The following NLRC4 variants were observed in gnomAD, a reference collection of about 807,000 sequenced individuals.
NLRC4 encodes NLR family CARD domain containing 4, also known as NLR family CARD domain-containing protein 4.
Under a neutral mutation model 79.9 loss-of-function variants are expected in NLRC4, and 63 were observed. The observed-to-expected ratio is 0.79, with a 90% CI of 0.64 to 0.97. The LOEUF (loss-of-function observed/expected upper bound fraction) is 0.97. NLRC4 is among the 50% of genes least tolerant of loss of function. NLRC4 has a pLI of 0.00. For missense variants in NLRC4, 1,074 were observed against 1,215.2 expected (o/e 0.88, Z 1.73); for synonymous variants, 461 against 456.5 (o/e 1.01, Z -0.12).
rs139211001 is a variant in NLRC4 at position 32,250,421 on chromosome 2, C to T, written c.1443G>A (p.Ser481=). 88 of 1,614,052 alleles carry T rather than the reference C, an allele frequency of 5.5e-5. No homozygotes were observed. The highest frequency in any genetic ancestry group is 6.7e-5 in the East Asian group (3 of 44,896). The change falls in exon 4 of 9, where the codon TCG becomes TCA. Residue 481 remains serine, a synonymous_variant. Coordinates refer to ENST00000402280, the MANE Select transcript of NLRC4 (RefSeq NM_001199138.2). This position sits in a 1 kb window ranked among gnomAD's most constrained non-coding sequence, Gnocchi z 4.9. ...GGCTGCTATAAGTGGATGTAATGTCCGAAATGGAAACCATTTTCTGCAAGT... is the reference window on the plus strand; with the variant it reads ...GGCTGCTATAAGTGGATGTAATGTCTGAAATGGAAACCATTTTCTGCAAGT... ...NGYLQKMVSI[S]DITSTYSSLL...
chr2:32,254,435 G>C lies in NLRC4; in HGVS notation c.2-1756C>G, dbSNP rs965647067. Among the ~76,000 whole-genome samples the C allele has an allele frequency of 5.3e-5, 8 of 151,902 alleles. No individual in the cohort carries two copies. The South Asian group carries it at 1.5e-3, about 28-fold the overall frequency. ...TGTAAGCTCTCTCGCCAGGTCTTGA[G>C]GGTAGCTGTGTCCTTTTTGTGTCTG... On this transcript the variant is annotated intron_variant, in intron 2 of 8. Transcript: ENST00000402280.
chr2:32,252,367 GT>G, intron 3 of NLRC4, 51 bp downstream of exon 3: 1 of 1,371,732 alleles, frequency 7.3e-7, no homozygotes, highest in Non-Finnish European at 1.0e-6. Flanking sequence ...ATGGATCTTT[GT>G]TGTGGTCTAT....
Position 32,250,415 on chromosome 2 carries a change from A to G in NLRC4, c.1449T>C (p.Ile483=). Reference sequence around the variant, plus strand: ...GGAGCAGGCTGCTATAAGTGGATGTAATGTCCGAAATGGAAACCATTTTCT... The same window carrying G: ...GGAGCAGGCTGCTATAAGTGGATGTGATGTCCGAAATGGAAACCATTTTCT... The part of the protein sequence containing the change: ...YLQKMVSISD[I]TSTYSSLLRY... The change falls in exon 4 of 9, where the codon ATT becomes ATC. Residue 483 remains isoleucine (I), a synonymous_variant. Transcript: ENST00000402280. This position sits in a 1 kb window ranked among gnomAD's most constrained non-coding sequence, Gnocchi z 4.9. 6.2e-7 allele frequency: 1 copy of G among 1,614,192 alleles called. No homozygotes were observed. Among genetic ancestry groups the G allele is most frequent in the Non-Finnish European group, 8.5e-7 (1 of 1,180,034 alleles).
At position 32,254,635 on chromosome 2, in the gene NLRC4, T is replaced by TC. The variant is rs1428206221; in HGVS notation, c.2-1957dup. 1.3e-4 allele frequency among the ~76,000 whole-genome samples: 15 copies of TC among 118,630 alleles called. No homozygotes were observed. In the South Asian group the frequency reaches 3.5e-3, roughly 28 times the overall value. 77.8% of individuals were successfully genotyped at this position (118,630 alleles called of 152,430 possible). A position where few individuals can be genotyped will look rare whatever the true frequency, so the allele number is the denominator to read the frequency against. On this transcript the variant is annotated intron_variant, in intron 2 of 8. Transcript: ENST00000402280. ...CTGGTTTTTTTTTTTTTTTTTTTTT[T>TC]CAGACGAAGTTTCACTGTTGCTGCC...
At chr2:32,261,856 G>A (rs1687358685) in intron 1 of NLRC4, among the ~76,000 whole-genome samples, 1 of 151,904 alleles carries the variant, frequency 6.6e-6, no homozygotes, top group Admixed American at 6.6e-5. Context: ...GCTGAGGCAG[G>A]TGGATCACGA....
intron 7 of NLRC4, among the ~76,000 whole-genome samples, chr2:32,235,902 T>C (rs1054581038): frequency 3.9e-5 from 6 of 152,220 alleles, no homozygotes; most frequent in African/African-American, 9.6e-5. Context: ...TTTTTTTCTT[T>C]TAACCATAAT....
At chr2:32,263,352 G>A (rs772331534) in intron 1 of NLRC4, among the ~76,000 whole-genome samples, 3 of 152,164 alleles carry the variant, frequency 2.0e-5, no homozygotes, top group African/African-American at 4.8e-5. Context: ...GGACTATTGT[G>A]AAGATTAAAC....
At chr2:32,235,795 A>G (rs920328353) in intron 7 of NLRC4, among the ~76,000 whole-genome samples, 1 of 152,202 alleles carries the variant, frequency 6.6e-6, no homozygotes, top group Non-Finnish European at 1.5e-5. Context: ...GACACCTTCA[A>G]AAACATTAAA....
At chr2:32,242,502 A>C (rs920087776) in intron 4 of NLRC4, among the ~76,000 whole-genome samples, 2 of 152,234 alleles carry the variant, frequency 1.3e-5, no homozygotes, top group Non-Finnish European at 2.9e-5. Flanking sequence ...CTATTAAAGA[A>C]ATTGAATTTG....
In NLRC4 at chr2:32,250,592, A is replaced by G. The variant is rs553450270; in HGVS notation, c.1272T>C (p.Thr424=). ...SSVNEDVLLT[T]GLLCKYTAQR... ...GAGCTGTATATTTACAGAGGAGCCC[A>G]GTTGTCAGCAGGACATCCTCATTCA... is the stretch of plus-strand genomic sequence containing the variant. Residue 424 remains threonine, a synonymous_variant, in exon 4 of 9, where the codon ACT becomes ACC. Transcript: ENST00000402280. The surrounding 1 kb of genome is among the most constrained non-coding windows in gnomAD (Gnocchi z 4.9). 6.2e-6 allele frequency: 10 copies of G among 1,614,200 alleles called. No homozygotes were observed. The East Asian group carries it at 1.3e-4, about 22-fold the overall frequency.
At chr2:32,263,050 C>T (rs1687389911) in intron 1 of NLRC4, among the ~76,000 whole-genome samples, 1 of 152,042 alleles carries the variant, frequency 6.6e-6, no homozygotes, top group South Asian at 2.1e-4. Context: ...CTAAAATTGG[C>T]ATTTTCTTAA....
At chr2:32,232,381 T>A (rs1686558044) in intron 8 of NLRC4, among the ~76,000 whole-genome samples, 2 of 152,228 alleles carry the variant, frequency 1.3e-5, no homozygotes, top group Admixed American at 1.3e-4. Flanking sequence ...GTATCCTAAG[T>A]GTAGTTACAA....
intron 4 of NLRC4, among the ~76,000 whole-genome samples, chr2:32,243,791 A>G (rs1049733683): frequency 2.2e-4 from 33 of 148,826 alleles, no homozygotes; most frequent in Non-Finnish European, 3.9e-4. Flanking sequence ...GCAAGATTCC[A>G]TCTCAAAAAA....
intron 8 of NLRC4, among the ~76,000 whole-genome samples, chr2:32,225,409 ATGTGTGTGTG>A (rs35323064): frequency 0.5 from 74,363 of 149,096 alleles, 18,717 homozygotes; most frequent in Admixed American, 0.56. Context: ...CATACAAAGG[ATGTGTGTGTG>A]TGTGTGTGTG....
At position 32,235,866 on chromosome 2, in the gene NLRC4, T is replaced by G. The variant is rs546681114; in HGVS notation, c.2615-298A>C. On this transcript the variant is annotated intron_variant, in intron 7 of 8. Coordinates refer to ENST00000402280, the MANE Select transcript of NLRC4 (RefSeq NM_001199138.2). ...TCCTGTATTATTCTAAAGCAAATCA[T>G]GGACAATATGAATCAGTTCTTTCCT... Among the ~76,000 whole-genome samples the G allele has an allele frequency of 3.3e-5, 5 of 152,308 alleles. No homozygotes were observed. The East Asian group carries it at 9.6e-4, about 29-fold the overall frequency.
chr2:32,241,145 T>G lies in NLRC4; in HGVS notation c.2258-20A>C, dbSNP rs1686790555. 1 of 1,446,638 alleles carries G rather than the reference T, an allele frequency of 6.9e-7. No homozygotes were observed. The highest frequency in any genetic ancestry group is 2.3e-5 in the East Asian group (1 of 43,740). The allele number at this position is 1,446,638 out of a possible 1,614,324, so 89.6% of individuals were successfully genotyped here. A position where few individuals can be genotyped will look rare whatever the true frequency, so the allele number is the denominator to read the frequency against. On this transcript the variant is annotated intron_variant, in intron 4 of 8. Transcript: ENST00000402280. ...GACCACCTGTCAAAAGAAAAAAGAT[T>G]GGACTCTTTCAGCAGATATTTGCTA... is the stretch of plus-strand genomic sequence containing the variant.
intron 2 of NLRC4, among the ~76,000 whole-genome samples, chr2:32,253,158 T>A (rs1412768239): frequency 2.0e-5 from 3 of 151,784 alleles, no homozygotes; most frequent in African/African-American, 7.3e-5. Context: ...CTGCCAAGCA[T>A]TTTTTTTCTG....
intron 4 of NLRC4, among the ~76,000 whole-genome samples, chr2:32,245,817 A>C (rs1686922109): frequency 6.6e-6 from 1 of 152,242 alleles, no homozygotes; most frequent in Admixed American, 6.5e-5. Flanking sequence ...ATGAGTTGAT[A>C]CACGAAATTT....
chr2:32,241,018 G>C lies in NLRC4; in HGVS notation c.2350+15C>G, dbSNP rs758019265. On this transcript the variant is annotated intron_variant, in intron 5 of 8. Transcript: ENST00000402280. ...CAAACTTACATTGATACAAATATGA[G>C]AACAGAAATCTGACCTAGTTTTATA... 2.1e-6 allele frequency: 3 copies of C among 1,463,084 alleles called. No homozygotes were observed. The highest frequency in any genetic ancestry group is 2.9e-6 in the Non-Finnish European group (3 of 1,044,384). The allele number at this position is 1,463,084 out of a possible 1,614,324, so 90.6% of individuals were successfully genotyped here.
Sources: allele counts gnomAD v4.1 joint callset (sites outside exome capture counted in the v4.1 genomes callset), GRCh38; gene constraint gnomAD v4.1.1; non-coding constraint Gnocchi (gnomAD v3.1); transcripts MANE v1.5; gene names NCBI Gene and HGNC (gene_info 2026-07-23, HGNC 2026-07-21).